Variants in CCDC149 observed in about 807,000 individuals in gnomAD.
CCDC149 encodes the protein coiled-coil domain-containing protein 149.
In CCDC149, 45 loss-of-function variants were observed where a neutral mutation model predicts 59.9. The observed-to-expected ratio is 0.75, with a 90% CI of 0.59 to 0.96. CCDC149 has a LOEUF of 0.96. Ranked by LOEUF, CCDC149 falls within the 40% of genes least tolerant of loss-of-function variation. The pLI is 0.00. For missense variants in CCDC149, 584 were observed against 664.7 expected (o/e 0.88, Z 1.33); for synonymous variants, 245 against 260.6 (o/e 0.94, Z 0.58).
intron 12 of CCDC149, among the ~76,000 whole-genome samples, chr4:24,809,921 T>C (rs901337505): frequency 2.0e-5 from 3 of 152,232 alleles, no homozygotes; most frequent in African/African-American, 7.2e-5. Context: ...CATCTGGCCA[T>C]GCCATTTTCC....
chr4:24,913,087 C>G (rs900012090), upstream of CCDC149: 2 of 156,430 alleles, frequency 1.3e-5, no homozygotes, highest in Non-Finnish European at 2.8e-5. Flanking sequence ...GGGCCGCAGA[C>G]ACAGCCCGGG....
Position 24,837,778 on chromosome 4 carries a change from C to A in CCDC149, c.489+378G>T, listed in dbSNP as rs1449222560. Among the ~76,000 whole-genome samples the A allele has an allele frequency of 6.6e-6, 1 of 152,222 alleles. No individual in the cohort carries two copies. The highest frequency in any genetic ancestry group is 1.5e-5 in the Non-Finnish European group (1 of 68,040). On this transcript the variant is annotated intron_variant, in intron 5 of 12. Coordinates refer to ENST00000635206, the MANE Select transcript of CCDC149 (RefSeq NM_001330643.2). This position sits in a 1 kb window ranked among gnomAD's most constrained non-coding sequence, Gnocchi z 4.3. ...AGGAAGAAAATGAACTTTAGGCTCT[C>A]TTAGTTGTTACCTAACTAGGGCTCT...
intron 1 of CCDC149, chr4:24,894,843 T>A: frequency 1.0e-6 from 1 of 973,462 alleles, no homozygotes; most frequent in Non-Finnish European, 1.5e-6. Flanking sequence ...AAAAAAAATC[T>A]CAAAGTCGCT....
intron 9 of CCDC149, chr4:24,830,974 T>C (rs555222890): frequency 3.3e-5 from 5 of 153,656 alleles, no homozygotes; most frequent in African/African-American, 1.2e-4. Flanking sequence ...TTACACAACA[T>C]AGTCAACATG....
At chr4:24,908,729 A>T (rs2109321737) in intron 1 of CCDC149, among the ~76,000 whole-genome samples, 1 of 152,296 alleles carries the variant, frequency 6.6e-6, no homozygotes, top group Middle Eastern at 3.4e-3. Flanking sequence ...ACCAAAAATC[A>T]GTCTCTACTT....
At chr4:24,824,108 T>C (rs1269069871) in intron 9 of CCDC149, among the ~76,000 whole-genome samples, 3 of 152,222 alleles carry the variant, frequency 2.0e-5, no homozygotes, top group Non-Finnish European at 4.4e-5. Context: ...GGCTTAACTC[T>C]TCCGTGGAGG....
At chr4:24,849,593 G>A (rs78916762) in intron 4 of CCDC149, among the ~76,000 whole-genome samples, 1 of 152,158 alleles carries the variant, frequency 6.6e-6, no homozygotes, top group South Asian at 2.1e-4. Context: ...TCTTTCAGGA[G>A]GCTATTTGGA....
At chr4:24,903,200 C>G (rs16876376) in intron 1 of CCDC149, among the ~76,000 whole-genome samples, 1,847 of 152,074 alleles carry the variant, frequency 0.012, 29 homozygotes, top group African/African-American at 0.042. Flanking sequence ...CCCAGCAGAA[C>G]ACAGGTAACA....
At chr4:24,838,778 T>C (rs1244962627) in intron 4 of CCDC149, among the ~76,000 whole-genome samples, 1 of 137,294 alleles carries the variant, frequency 7.3e-6, no homozygotes, top group Non-Finnish European at 1.6e-5. Flanking sequence ...TTAAAGAGTT[T>C]AAAAAAAAAA....
intron 3 of CCDC149, among the ~76,000 whole-genome samples, chr4:24,867,833 C>T (rs1363871256): frequency 2.6e-5 from 4 of 152,114 alleles, no homozygotes; most frequent in Admixed American, 2.0e-4. Context: ...GGAGAAGAGC[C>T]CAGTAAGCTC....
At chr4:24,973,922 C>T (rs1381208687) in intron 1 of CCDC149, among the ~76,000 whole-genome samples, 1 of 152,246 alleles carries the variant, frequency 6.6e-6, no homozygotes, top group African/African-American at 2.4e-5. Flanking sequence ...CTCTGTTCCC[C>T]TTGCAGTCCC....
chr4:24,829,770 C>A, intron 9 of CCDC149: 1 of 152,364 alleles, frequency 6.6e-6, no homozygotes, highest in Non-Finnish European at 1.5e-5. Flanking sequence ...CATTTATAAA[C>A]AAGTGTCCCC....
At chr4:24,882,124 T>C (rs143701372) in intron 1 of CCDC149, among the ~76,000 whole-genome samples, 13 of 152,356 alleles carry the variant, frequency 8.5e-5, no homozygotes, top group African/African-American at 2.9e-4. Flanking sequence ...ATAAAGGTTT[T>C]ATTGATTCAA....
At chr4:24,949,478 T>A (rs540357559) in intron 1 of CCDC149, among the ~76,000 whole-genome samples, 1 of 152,252 alleles carries the variant, frequency 6.6e-6, no homozygotes, top group South Asian at 2.1e-4. Context: ...TCTGTCATTA[T>A]TCAAATATAT....
At chr4:24,882,785 T>C (rs1246290522) in intron 1 of CCDC149, among the ~76,000 whole-genome samples, 1 of 152,186 alleles carries the variant, frequency 6.6e-6, no homozygotes, top group Non-Finnish European at 1.5e-5. Flanking sequence ...GAGAAACACA[T>C]ATGGGCTCCA....
At chr4:24,904,368 C>T (rs1373470792) in intron 1 of CCDC149, among the ~76,000 whole-genome samples, 1 of 152,212 alleles carries the variant, frequency 6.6e-6, no homozygotes, top group African/African-American at 2.4e-5. Flanking sequence ...AATGAGTTAT[C>T]TGGTTGTGGC....
At chr4:24,818,470 T>C (rs931378632) in intron 12 of CCDC149, among the ~76,000 whole-genome samples, 1 of 152,198 alleles carries the variant, frequency 6.6e-6, no homozygotes, top group Non-Finnish European at 1.5e-5. Flanking sequence ...ATATTGTTTA[T>C]CTATTGCTGT....
intron 1 of CCDC149, among the ~76,000 whole-genome samples, chr4:24,937,420 G>A (rs1227437779): frequency 1.3e-5 from 2 of 152,174 alleles, no homozygotes; most frequent in South Asian, 4.2e-4. Flanking sequence ...GATAGACTAG[G>A]CTATGCTGCA....
rs1436520998 is a variant in CCDC149, at chr4:24,808,036, A to T, written c.*353T>A. 1 of 169,412 alleles carries T rather than the reference A, an allele frequency of 5.9e-6. No homozygotes were observed. Among genetic ancestry groups the T allele is most frequent in the African/African-American group, 2.4e-5 (1 of 42,280 alleles). The allele number at this position is 169,412 out of a possible 1,614,324, so 10.5% of individuals were successfully genotyped here. ...TCTTCCCATAATTTTGATTGACAAC[A>T]TTAAATGCTAATACAAAAACATCTT... On this transcript the variant is annotated 3_prime_UTR_variant, in exon 13 of 13. Transcript: ENST00000635206.
Sources: gnomAD v4.1 joint callset for allele counts (sites outside exome capture counted in the v4.1 genomes callset) on GRCh38, gnomAD v4.1.1 for gene constraint, Gnocchi (gnomAD v3.1) non-coding constraint, MANE v1.5 for transcripts, NCBI Gene and HGNC (gene_info 2026-07-23, HGNC 2026-07-21) for gene names.